PKD2: variants seen among roughly 807,000 people sequenced by gnomAD.
The protein encoded by PKD2 is polycystin 2, transient receptor potential cation channel, also known as polycystin-2.
A neutral mutation model predicts 105.9 loss-of-function variants in PKD2; 48 were observed. That is an observed-to-expected ratio of 0.45 (90% CI 0.36 to 0.58). PKD2 has a LOEUF of 0.58. Among genes scored for constraint, PKD2 ranks in the 20% least tolerant of loss-of-function variants. The pLI, the probability that PKD2 is intolerant of heterozygous loss-of-function variation, is 0.00. For missense variants in PKD2, 1,078 were observed against 1,255.3 expected (o/e 0.86, Z 2.13); for synonymous variants, 464 against 481.1 (o/e 0.96, Z 0.46).
intron 6 of PKD2, among the ~76,000 whole-genome samples, chr4:88,047,372 C>T (rs1390638019): frequency 2.7e-5 from 4 of 150,864 alleles, no homozygotes; most frequent in Non-Finnish European, 4.4e-5. Context: ...GCCAGGGTAA[C>T]ATAGTGAGAC....
intron 2 of PKD2, among the ~76,000 whole-genome samples, chr4:88,027,808 C>T (rs1727009706): frequency 9.3e-6 from 1 of 107,452 alleles, no homozygotes; most frequent in Admixed American, 1.1e-4. Context: ...CTCATGAGAT[C>T]TGGTTTTTTG....
At chr4:88,043,499 TG>T (rs1291002414) in intron 5 of PKD2, 42 bp downstream of exon 5, 2 of 1,363,976 alleles carry the variant, frequency 1.5e-6, no homozygotes. Context: ...TCTGTGTGGT[TG>T]TACATACATC....
chr4:88,041,893 C>A lies in PKD2; in HGVS notation c.1095-1340C>A, dbSNP rs572109440. Among the ~76,000 whole-genome samples the A allele has an allele frequency of 3.9e-5, 6 of 152,200 alleles. No homozygotes were observed. The South Asian group carries it at 8.3e-4, about 21-fold the overall frequency. ...CCATCTCAGGCCTGCTGTGTTAACT[C>A]TTTTCTGCACATGAGCCCTCTGTTC... On this transcript the variant is annotated intron_variant, in intron 4 of 14. Coordinates refer to ENST00000237596, the MANE Select transcript of PKD2 (RefSeq NM_000297.4).
intron 6 of PKD2, among the ~76,000 whole-genome samples, chr4:88,049,969 A>ATTTTTTTTT (rs397881137): frequency 8.4e-6 from 1 of 118,540 alleles, no homozygotes; most frequent in Non-Finnish European, 1.7e-5. Flanking sequence ...TACAGGGTAA[A>ATTTTTTTTT]TTTTTTTTTT....
chr4:88,058,634 G>A (rs1720450343), intron 9 of PKD2, among the ~76,000 whole-genome samples: 2 of 152,054 alleles, frequency 1.3e-5, no homozygotes, highest in African/African-American at 2.4e-5. Context: ...TCAAAATTAG[G>A]ATATTCTGTT....
chr4:88,014,537 A>C (rs1726497058), intron 1 of PKD2, among the ~76,000 whole-genome samples: 1 of 152,096 alleles, frequency 6.6e-6, no homozygotes, highest in Admixed American at 6.6e-5. Context: ...TTAAGGTAGC[A>C]ACTGTCTATT....
chr4:88,074,903 C>A lies in PKD2; in HGVS notation c.2614C>A (p.Arg872=), dbSNP rs755226061. 7 of 1,614,040 alleles carry A rather than the reference C, an allele frequency of 4.3e-6. No homozygotes were observed. Among genetic ancestry groups the A allele is most frequent in the Non-Finnish European group, 5.9e-6 (7 of 1,179,980 alleles). ...AVIVKLEIME[R]AKLKRREVLG... The stretch of plus-strand genomic sequence containing the variant: ...GATCGTGAAGCTAGAGATTATGGAG[C>A]GAGCCAAACTGAAGAGGAGGGAGGT... Residue 872 remains arginine, a synonymous_variant, in exon 14 of 15, where the codon CGA becomes AGA. Coordinates refer to ENST00000237596, the MANE Select transcript of PKD2 (RefSeq NM_000297.4).
At chr4:88,046,234 G>A (rs1371315143) in intron 5 of PKD2, among the ~76,000 whole-genome samples, 1 of 152,112 alleles carries the variant, frequency 6.6e-6, no homozygotes, top group Non-Finnish European at 1.5e-5. Context: ...AGGCAGCAGT[G>A]AGCTATGATT....
intron 9 of PKD2, among the ~76,000 whole-genome samples, chr4:88,060,918 T>G (rs1196952286): frequency 1.3e-5 from 2 of 152,198 alleles, no homozygotes; most frequent in African/African-American, 4.8e-5. Context: ...TTTCCCATTT[T>G]ATTAATGTAA....
chr4:88,073,243 G>C (rs1302485608), intron 13 of PKD2, among the ~76,000 whole-genome samples: 1 of 151,674 alleles, frequency 6.6e-6, no homozygotes, highest in Non-Finnish European at 1.5e-5. Context: ...TGGGAAAGCC[G>C]GGCACAGTGG....
chr4:88,074,998 G>C (rs1464614354), intron 14 of PKD2, 39 bp downstream of exon 14: 1 of 1,608,352 alleles, frequency 6.2e-7, no homozygotes, highest in Non-Finnish European at 8.5e-7. Context: ...TGCTGAGCAT[G>C]GTGTTATTAA....
chr4:88,059,512 T>A (rs1376155341), intron 9 of PKD2, among the ~76,000 whole-genome samples: 1 of 151,928 alleles, frequency 6.6e-6, no homozygotes, highest in African/African-American at 2.4e-5. Flanking sequence ...ATGGATAGAG[T>A]CGTGGCAACT....
chr4:88,017,586 T>C (rs1327894043), intron 1 of PKD2, among the ~76,000 whole-genome samples: 1 of 152,076 alleles, frequency 6.6e-6, no homozygotes, highest in African/African-American at 2.4e-5. Flanking sequence ...AGTTTTGTAT[T>C]TTTAGTAGAG....
At chr4:88,069,659 AAC>A (rs1333099560) in intron 13 of PKD2, among the ~76,000 whole-genome samples, 2 of 152,102 alleles carry the variant, frequency 1.3e-5, no homozygotes, top group Admixed American at 1.3e-4. Context: ...ACATTTTTAT[AAC>A]ACACTGTGTA....
intron 4 of PKD2, among the ~76,000 whole-genome samples, chr4:88,040,343 G>T (rs1727514542): frequency 6.6e-6 from 1 of 152,144 alleles, no homozygotes; most frequent in South Asian, 2.1e-4. Flanking sequence ...ATTCTATTTT[G>T]TTAACTGCTG....
chr4:88,054,134 C>A (rs1044784210), intron 7 of PKD2, among the ~76,000 whole-genome samples: 1 of 150,508 alleles, frequency 6.6e-6, no homozygotes, highest in Non-Finnish European at 1.5e-5. Flanking sequence ...CTCAGCTGGG[C>A]ACAGTGGCTC....
chr4:88,024,482 A>AG (rs1726882072), intron 2 of PKD2, among the ~76,000 whole-genome samples: 1 of 124,840 alleles, frequency 8.0e-6, no homozygotes, highest in African/African-American at 3.4e-5. Context: ...AAAAAAAAAA[A>AG]GAAAGAAAGA....
In PKD2 at chr4:88,071,817, T is replaced by C. The variant is rs151266436; in HGVS notation, c.2523-2995T>C. Among the ~76,000 whole-genome samples the C allele has an allele frequency of 1.4e-3, 220 of 152,262 alleles. 1 individual carries two copies. The highest frequency in any genetic ancestry group is 5.2e-3 in the African/African-American group (214 of 41,536). ...TCATTAACTTTCTCTGACCTCTTTG[T>C]TATACCTCCTGCCTCTGTGGATATT... On this transcript the variant is annotated intron_variant, in intron 13 of 14. Transcript: ENST00000237596.
At chr4:88,019,322 A>G in intron 1 of PKD2, 136 bp from the exon 2 acceptor site, 3 of 630,012 alleles carry the variant, frequency 4.8e-6, no homozygotes, top group Non-Finnish European at 8.4e-6. Flanking sequence ...TGCATTCAAA[A>G]TGTGATTAAA....
Sources: gnomAD v4.1 joint callset for allele counts (sites outside exome capture counted in the v4.1 genomes callset) on GRCh38, gnomAD v4.1.1 for gene constraint, MANE v1.5 for transcripts, NCBI Gene and HGNC (gene_info 2026-07-23, HGNC 2026-07-21) for gene names.